CDK7: variants seen among roughly 807,000 people sequenced by gnomAD.
CDK7 encodes the protein cyclin-dependent kinase 7.
A neutral mutation model predicts 49.1 loss-of-function variants in CDK7; 25 were observed. That is an observed-to-expected ratio of 0.51 (90% CI 0.37 to 0.71). CDK7 has a LOEUF of 0.71. Among genes scored for constraint, CDK7 ranks in the 30% least tolerant of loss-of-function variants. CDK7 has a pLI of 0.00. For missense variants in CDK7, 316 were observed against 411.7 expected, an observed-to-expected ratio of 0.77 and a Z score of 2.01; for synonymous variants, 107 against 140.0, an observed-to-expected ratio of 0.76 and a Z score of 1.67.
At chr5:69,270,722 C>A (rs1027409918) in intron 9 of CDK7, among the ~76,000 whole-genome samples, 1 of 152,208 alleles carries the variant, frequency 6.6e-6, no homozygotes, top group Non-Finnish European at 1.5e-5. Flanking sequence ...TGGAATCACA[C>A]AATATATAAC....
intron 2 of CDK7, among the ~76,000 whole-genome samples, chr5:69,242,658 A>T (rs547624074): frequency 2.4e-4 from 36 of 152,322 alleles, no homozygotes; most frequent in Admixed American, 2.3e-3. Context: ...AGGACTGTTA[A>T]TCATCTTTGT....
Position 69,262,561 on chromosome 5 carries a change from C to T in CDK7, c.627+257C>T, listed in dbSNP as rs947711819. Among the ~76,000 whole-genome samples the T allele has an allele frequency of 6.0e-5, 9 of 150,528 alleles. 1 individual carries two copies. Among genetic ancestry groups the T allele is most frequent in the Admixed American group, 5.3e-4 (8 of 15,016 alleles). The stretch of plus-strand genomic sequence containing the variant: ...GCGGGTGCCTGTAGTCCCAGCTACT[C>T]GGGAGGCTGAGACAGGAGAATCGCT... On this transcript the variant is annotated intron_variant, in intron 8 of 11. Transcript: ENST00000256443.
At chr5:69,235,357 T>A (rs780255244) in intron 1 of CDK7, 37 bp from the exon 2 acceptor site, 1 of 1,450,278 alleles carries the variant, frequency 6.9e-7, no homozygotes, top group Non-Finnish European at 9.7e-7. Flanking sequence ...ACACAAAAAC[T>A]CCCATAAACT....
At chr5:69,244,636 CAAAAAAAAA>C (rs35194899) in intron 2 of CDK7, among the ~76,000 whole-genome samples, 2 of 94,894 alleles carry the variant, frequency 2.1e-5, no homozygotes, top group South Asian at 7.7e-4. Flanking sequence ...AACTCCGTCT[CAAAAAAAAA>C]AAAAAAAAAA....
chr5:69,238,019 C>G (rs1749119237), intron 2 of CDK7, among the ~76,000 whole-genome samples: 1 of 152,144 alleles, frequency 6.6e-6, no homozygotes, highest in Admixed American at 6.5e-5. Context: ...AATTTCTACT[C>G]CCGTTCATTT....
At chr5:69,238,021 C>T (rs947488089) in intron 2 of CDK7, among the ~76,000 whole-genome samples, 2 of 152,094 alleles carry the variant, frequency 1.3e-5, no homozygotes, top group African/African-American at 4.8e-5. Context: ...TTTCTACTCC[C>T]GTTCATTTGC....
chr5:69,257,891 G>A, intron 5 of CDK7, 152 bp from the exon 6 acceptor site: 2 of 594,996 alleles, frequency 3.4e-6, no homozygotes, highest in Non-Finnish European at 5.9e-6. Context: ...TAACTCTGGA[G>A]ATTTTGACAG....
intron 10 of CDK7, 108 bp from the exon 11 acceptor site, chr5:69,276,435 G>T: frequency 2.2e-6 from 2 of 891,852 alleles, no homozygotes; most frequent in South Asian, 3.0e-5. Context: ...GGGAATGAGG[G>T]CATTCACATA....
intron 8 of CDK7, among the ~76,000 whole-genome samples, chr5:69,268,890 C>G (rs1751342801): frequency 1.3e-5 from 2 of 149,996 alleles, no homozygotes; most frequent in Non-Finnish European, 3.0e-5. Flanking sequence ...CGCCTGTAAT[C>G]CCAGCACTTT....
intron 2 of CDK7, chr5:69,250,687 G>C: frequency 1.1e-5 from 5 of 456,412 alleles, no homozygotes; most frequent in South Asian, 7.7e-5. Context: ...CAACCAAGCT[G>C]GTCCCTAAGC....
At chr5:69,237,783 C>T (rs1488327261) in intron 2 of CDK7, among the ~76,000 whole-genome samples, 1 of 152,132 alleles carries the variant, frequency 6.6e-6, no homozygotes, top group Non-Finnish European at 1.5e-5. Context: ...AAACCCCTGT[C>T]TCTACTAAAA....
At chr5:69,242,577 T>C (rs1749464529) in intron 2 of CDK7, among the ~76,000 whole-genome samples, 3 of 152,196 alleles carry the variant, frequency 2.0e-5, no homozygotes, top group South Asian at 4.1e-4. Flanking sequence ...TCCTAAACAA[T>C]AATTCTAACC....
Position 69,277,202 on chromosome 5 carries a change from T to A in CDK7, c.*67T>A. The A allele has an allele frequency of 1.7e-6, 2 of 1,192,112 alleles. No individual in the cohort carries two copies. The highest frequency in any genetic ancestry group is 2.4e-6 in the Non-Finnish European group (2 of 829,704). The allele number at this position is 1,192,112 out of a possible 1,614,324, so 73.8% of individuals were successfully genotyped here. ...AAAAAGGCAAATAATGGAAAAATAG[T>A]AAACATTAAGTAAATGCTGTAGAAG... On this transcript the variant is annotated 3_prime_UTR_variant, in exon 12 of 12. Coordinates refer to ENST00000256443, the MANE Select transcript of CDK7 (RefSeq NM_001799.4).
At chr5:69,276,232 T>C (rs917369502) in intron 10 of CDK7, among the ~76,000 whole-genome samples, 24 of 152,128 alleles carry the variant, frequency 1.6e-4, no homozygotes, top group Non-Finnish European at 2.9e-5. Flanking sequence ...TTTCGCCACG[T>C]TGGCCAAGCT....
At chr5:69,264,988 G>A (rs2932792) in intron 8 of CDK7, among the ~76,000 whole-genome samples, 1 of 151,314 alleles carries the variant, frequency 6.6e-6, no homozygotes, top group East Asian at 2.0e-4. Context: ...AAAAGGCCAG[G>A]CACGGTGGCT....
intron 2 of CDK7, among the ~76,000 whole-genome samples, chr5:69,248,544 A>C (rs1322025801): frequency 1.3e-5 from 2 of 151,732 alleles, no homozygotes; most frequent in East Asian, 3.9e-4. Context: ...ATGTGCCACC[A>C]CGCCCAGCTA....
intron 10 of CDK7, among the ~76,000 whole-genome samples, chr5:69,275,018 T>C (rs559270065): frequency 4.6e-4 from 69 of 149,698 alleles, no homozygotes; most frequent in Middle Eastern, 3.4e-3. Context: ...GAGCCAAGAT[T>C]GTGCCACTGC....
chr5:69,237,150 G>C (rs1296756229), intron 2 of CDK7, among the ~76,000 whole-genome samples: 4 of 151,820 alleles, frequency 2.6e-5, no homozygotes, highest in Non-Finnish European at 5.9e-5. Context: ...GGAAGGGTTA[G>C]AGTGCAGTGG....
At chr5:69,261,674 G>GC (rs1286770139) in intron 7 of CDK7, among the ~76,000 whole-genome samples, 2 of 152,096 alleles carry the variant, frequency 1.3e-5, no homozygotes, top group Non-Finnish European at 2.9e-5. Context: ...GGGATTACAG[G>GC]CGCCCACCAC....
Sources: allele counts gnomAD v4.1 joint callset (sites outside exome capture counted in the v4.1 genomes callset), GRCh38; gene constraint gnomAD v4.1.1; transcripts MANE v1.5; gene names NCBI Gene and HGNC (gene_info 2026-07-23, HGNC 2026-07-21).